MBD1: variants seen among roughly 807,000 people sequenced by gnomAD.
MBD1 encodes the protein methyl-CpG-binding domain protein 1.
A neutral mutation model predicts 82.6 loss-of-function variants in MBD1; 25 were observed. The observed-to-expected ratio is 0.30, with a 90% CI of 0.22 to 0.42. The LOEUF (loss-of-function observed/expected upper bound fraction) is 0.42, where lower values mean the gene tolerates loss of function less well. MBD1 is among the 10% of genes least tolerant of loss of function. The probability of loss-of-function intolerance (pLI) is 1.00; values close to 1 mark genes in which losing one functional copy is unlikely to be tolerated. For synonymous variants in MBD1, 301 were observed against 303.7 expected (o/e 0.99, Z 0.09); for missense variants, 627 against 819.6 (o/e 0.76, Z 2.87).
At chr18:50,279,053 G>C (rs2039196549) in intron 2 of MBD1, among the ~76,000 whole-genome samples, 1 of 152,194 alleles carries the variant, frequency 6.6e-6, no homozygotes, top group Non-Finnish European at 1.5e-5. Flanking sequence ...GAAGACTCCT[G>C]ATCAGCAGAA....
rs377444605 is a variant in MBD1, at chr18:50,274,957, G to A, written c.978+20C>T. On this transcript the variant is annotated intron_variant, in intron 10 of 16. Coordinates refer to ENST00000269468, the MANE Select transcript of MBD1 (RefSeq NM_015846.4). The stretch of plus-strand genomic sequence containing the variant: ...CGTCCTGAGATTCTAGGCTTATCCA[G>A]GTAGGGTGGGGCCACTCACTAGCTC... 9.9e-6 allele frequency: 16 copies of A among 1,613,584 alleles called. No individual in the cohort carries two copies. Among genetic ancestry groups the A allele is most frequent in the Non-Finnish European group, 1.4e-5 (16 of 1,179,456 alleles).
chr18:50,273,383 C>A lies in MBD1; in HGVS notation c.1535G>T (p.Gly512Val), dbSNP rs753804798. Residue 512 changes from glycine to valine, a missense_variant, in exon 13 of 17, where the codon GGC (glycine) becomes GTC (valine). Gly to Val is a moderately radical substitution (Grantham distance 109). This residue lies in a region of MBD1 where 265 missense variants were observed against 278.4 expected (regional missense o/e 0.95). Transcript: ENST00000269468. ...TACGGGAGAAGTCAGGACAGCTGTG[C>A]CTGGTGTCCACTCGTCCTGGGTATC... ...KADTQDEWTP[G>V]TAVLTSPVLV... 4 of 1,614,186 alleles carry A rather than the reference C, an allele frequency of 2.5e-6. No individual in the cohort carries two copies. Among genetic ancestry groups the A allele is most frequent in the East Asian group, 2.2e-5 (1 of 44,888 alleles).
chr18:50,278,838 T>A (rs556563156), intron 2 of MBD1, among the ~76,000 whole-genome samples: 1 of 152,344 alleles, frequency 6.6e-6, no homozygotes, highest in South Asian at 2.1e-4. Context: ...AAACACACAT[T>A]ACTTAATACA....
Position 50,276,219 on chromosome 18 carries a change from C to T in MBD1, c.516+159G>A, listed in dbSNP as rs538543098. On this transcript the variant is annotated intron_variant, in intron 6 of 16. Transcript: ENST00000269468. Reference sequence around the variant, plus strand: ...CACTAATGGTAATGGGGATTAATTACCCCATTAATTCCCATTATTGTGTCT... The same window carrying T: ...CACTAATGGTAATGGGGATTAATTATCCCATTAATTCCCATTATTGTGTCT... 25 of 850,046 alleles carry T rather than the reference C, an allele frequency of 2.9e-5. No individual in the cohort carries two copies. In the South Asian group the frequency reaches 3.5e-4, roughly 12 times the overall value. The allele number at this position is 850,046 out of a possible 1,614,324, so 52.7% of individuals were successfully genotyped here. A position where few individuals can be genotyped will look rare whatever the true frequency, so the allele number is the denominator to read the frequency against.
At chr18:50,278,573 G>C (rs942268041) in intron 2 of MBD1, among the ~76,000 whole-genome samples, 2 of 152,168 alleles carry the variant, frequency 1.3e-5, no homozygotes. Context: ...TAAACAAAAA[G>C]TAATTTGTAA....
At chr18:50,281,302 C>A in intron 1 of MBD1, 61 bp downstream of exon 1, 1 of 1,352,620 alleles carries the variant, frequency 7.4e-7, no homozygotes, top group Non-Finnish European at 1.0e-6. Context: ...CGTTCTGAGC[C>A]ACAATTCCTT....
intron 10 of MBD1, 135 bp from the exon 11 acceptor site, chr18:50,274,488 G>A: frequency 1.1e-6 from 1 of 915,760 alleles, no homozygotes; most frequent in Non-Finnish European, 1.6e-6. Context: ...TCAGCCTCCT[G>A]ACTCCCCACT....
chr18:50,281,570 A>G (rs557872281), upstream of MBD1: 29 of 573,482 alleles, frequency 5.1e-5, no homozygotes, highest in East Asian at 2.0e-4. Context: ...CCTCTGGCTA[A>G]GCACCTGCGC....
chr18:50,279,704 G>T, intron 2 of MBD1, 179 bp downstream of exon 2: 2 of 789,990 alleles, frequency 2.5e-6, no homozygotes, highest in Non-Finnish European at 2.0e-6. Context: ...TGTGAGTAGT[G>T]ACTTTTAAGT....
At chr18:50,274,405 C>T in intron 10 of MBD1, 52 bp from the exon 11 acceptor site, 1 of 1,576,398 alleles carries the variant, frequency 6.3e-7, no homozygotes, top group South Asian at 1.1e-5. Flanking sequence ...GAGAGGCCAT[C>T]CTCAACGCCT....
chr18:50,275,567 A>C (rs2037516850), intron 8 of MBD1, 33 bp downstream of exon 8: 1 of 1,614,000 alleles, frequency 6.2e-7, no homozygotes, highest in African/African-American at 1.3e-5. Context: ...TTTTAACAGC[A>C]GAATGAGCTC....
At chr18:50,275,096 G>A in intron 9 of MBD1, 33 bp downstream of exon 9, 1 of 1,613,280 alleles carries the variant, frequency 6.2e-7, no homozygotes, top group Non-Finnish European at 8.5e-7. Flanking sequence ...TAAGGTCAGG[G>A]TTGTGCCTTC....
rs776086555 is a variant in MBD1 at position 50,273,434 on chromosome 18, A to G, written c.1484T>C (p.Leu495Ser). ...CGCCTTCTCTTGCTTCACCTGGGGT[A>G]AGGCCACAACCCAACTCAGGCCAGA... is the stretch of plus-strand genomic sequence containing the variant. ...QCSGLSWVVALPQVKQEKADT... is the reference protein window; with the variant it reads ...QCSGLSWVVASPQVKQEKADT... The change falls in exon 13 of 17, where the codon TTA becomes TCA. Residue 495 changes from leucine to serine, a missense_variant. By Grantham distance (145) the Leu-to-Ser change is moderately radical. Coordinates refer to ENST00000269468, the MANE Select transcript of MBD1 (RefSeq NM_015846.4). The G allele has an allele frequency of 5.6e-6, 9 of 1,614,190 alleles. No homozygotes were observed. Among genetic ancestry groups the G allele is most frequent in the Middle Eastern group, 1.6e-4 (1 of 6,062 alleles).
At chr18:50,275,095 G>GAA (rs2037234029) in intron 9 of MBD1, 34 bp downstream of exon 9, 1 of 1,613,194 alleles carries the variant, frequency 6.2e-7, no homozygotes, top group African/African-American at 1.3e-5. Context: ...GTAAGGTCAG[G>GAA]GTTGTGCCTT....
At chr18:50,273,032 A>C in intron 13 of MBD1, 77 bp from the exon 14 acceptor site, 1 of 1,554,110 alleles carries the variant, frequency 6.4e-7, no homozygotes, top group Non-Finnish European at 8.9e-7. Context: ...CCAACCCCTC[A>C]CTGTGCTGAC....
Position 50,275,595 on chromosome 18 carries a change from C to T in MBD1, c.792+5G>A, listed in dbSNP as rs2037531254. On this transcript the variant is annotated splice_donor_5th_base_variant and intron_variant, in intron 8 of 16. Transcript: ENST00000269468. ...ATGAGCTCTGCTCCCTCCAGCCCAA[C>T]TCACCCGTAGGCAACGTCGCTGGAC... is the stretch of plus-strand genomic sequence containing the variant. 6.2e-7 allele frequency: 1 copy of T among 1,614,086 alleles called. No homozygotes were observed. Among genetic ancestry groups the T allele is most frequent in the Admixed American group, 1.7e-5 (1 of 60,014 alleles).
downstream of MBD1, chr18:50,267,338 A>G (rs1355749034): frequency 2.1e-6 from 1 of 481,380 alleles, no homozygotes; most frequent in African/African-American, 1.9e-5. Context: ...AAACCAAATA[A>G]CCAGTAATAA....
downstream of MBD1, chr18:50,267,752 G>A (rs2034079589): frequency 1.1e-5 from 9 of 823,688 alleles, no homozygotes; most frequent in Admixed American, 2.0e-5. Context: ...CAACAAATCA[G>A]TACCTACGTC....
chr18:50,267,471 C>T (rs1281442413), downstream of MBD1: 2 of 683,612 alleles, frequency 2.9e-6, no homozygotes, highest in East Asian at 5.4e-5. Flanking sequence ...AGTGGCACGA[C>T]CTGGTGGAGC....
Sources: allele counts gnomAD v4.1 joint callset (sites outside exome capture counted in the v4.1 genomes callset), GRCh38; gene constraint gnomAD v4.1.1; regional missense constraint gnomAD v4.1.1; transcripts MANE v1.5; gene names NCBI Gene and HGNC (gene_info 2026-07-23, HGNC 2026-07-21).